Variants in GABRG3 observed in about 807,000 individuals in gnomAD.
GABRG3 encodes the protein gamma-aminobutyric acid type A receptor subunit gamma3.
A neutral mutation model predicts 48.8 loss-of-function variants in GABRG3; 25 were observed. The ratio of observed to expected loss-of-function variants is 0.51; its 90% CI spans 0.37 to 0.72. GABRG3 has a LOEUF of 0.72. Among genes scored for constraint, GABRG3 ranks in the 30% least tolerant of loss-of-function variants. GABRG3 has a pLI of 0.00. For missense variants in GABRG3, 394 were observed against 577.9 expected (o/e 0.68, Z 3.26); for synonymous variants, 227 against 217.6 (o/e 1.04, Z -0.38).
At chr15:27,361,469 C>T (rs1222109724) in intron 5 of GABRG3, among the ~76,000 whole-genome samples, 2 of 152,152 alleles carry the variant, frequency 1.3e-5, no homozygotes, top group Non-Finnish European at 2.9e-5. Context: ...TTCCAGAGGA[C>T]AGCATGAAAG....
At chr15:27,186,999 C>T (rs536520111) in intron 3 of GABRG3, among the ~76,000 whole-genome samples, 2 of 152,220 alleles carry the variant, frequency 1.3e-5, no homozygotes, top group East Asian at 3.9e-4. Flanking sequence ...TTTGCCACAA[C>T]TGATATTGAG....
intron 3 of GABRG3, among the ~76,000 whole-genome samples, chr15:27,088,250 C>T (rs1017248696): frequency 1.1e-4 from 5 of 47,296 alleles, no homozygotes; most frequent in Non-Finnish European, 2.1e-4. Context: ...GTGCTCGGGG[C>T]GGGCGCGGGG....
intron 3 of GABRG3, among the ~76,000 whole-genome samples, chr15:27,121,101 T>C (rs906311811): frequency 4.0e-4 from 61 of 152,332 alleles, no homozygotes; most frequent in African/African-American, 1.3e-3. Context: ...AAAATTCTTT[T>C]AGACAATGAG....
At position 27,236,609 on chromosome 15, in the gene GABRG3, G is replaced by A. The variant is rs532373005; in HGVS notation, c.271-90200G>A. Among the ~76,000 whole-genome samples the A allele has an allele frequency of 4.6e-5, 7 of 152,232 alleles. No individual in the cohort carries two copies. The highest frequency in any genetic ancestry group is 3.9e-4 in the East Asian group (2 of 5,164). On this transcript the variant is annotated intron_variant, in intron 3 of 9. Coordinates refer to ENST00000615808, the MANE Select transcript of GABRG3 (RefSeq NM_033223.5). The surrounding 1 kb of genome is among the most constrained non-coding windows in gnomAD (Gnocchi z 4.4). Reference sequence around the variant, plus strand: ...CCGCCTCCCTCTTTACAGCCTCAGCGTGACAGCCCACCAGTTTCACAATAC... The same window carrying A: ...CCGCCTCCCTCTTTACAGCCTCAGCATGACAGCCCACCAGTTTCACAATAC...
chr15:27,325,520 C>T (rs768939864), intron 3 of GABRG3, among the ~76,000 whole-genome samples: 20 of 152,354 alleles, frequency 1.3e-4, no homozygotes, highest in Non-Finnish European at 4.4e-5. Flanking sequence ...AATTCCTCCT[C>T]TGCTGGATGC....
chr15:27,507,076 C>T (rs957555961), intron 6 of GABRG3, among the ~76,000 whole-genome samples: 1 of 151,996 alleles, frequency 6.6e-6, no homozygotes, highest in African/African-American at 2.4e-5. Context: ...TCTTCCTGAC[C>T]CATAAAATCC....
intron 2 of GABRG3, among the ~76,000 whole-genome samples, chr15:27,011,780 G>A (rs1379236829): frequency 1.3e-5 from 2 of 151,470 alleles, no homozygotes; most frequent in Non-Finnish European, 2.9e-5. Context: ...CCTGGGAGGC[G>A]GAGCTTACAG....
chr15:27,296,903 A>T (rs1157052421), intron 3 of GABRG3, among the ~76,000 whole-genome samples: 1 of 150,914 alleles, frequency 6.6e-6, no homozygotes, highest in African/African-American at 2.4e-5. Flanking sequence ...CCAGGTATCC[A>T]GAAGAAGGCG....
At chr15:27,108,622 A>T (rs1203242878) in intron 3 of GABRG3, among the ~76,000 whole-genome samples, 1 of 152,294 alleles carries the variant, frequency 6.6e-6, no homozygotes, top group East Asian at 1.9e-4. Flanking sequence ...CAGGTCATTT[A>T]TATCCTTACT....
chr15:27,109,794 A>G (rs1897513504), intron 3 of GABRG3, among the ~76,000 whole-genome samples: 1 of 152,190 alleles, frequency 6.6e-6, no homozygotes, highest in Non-Finnish European at 1.5e-5. Flanking sequence ...AGGCAGGAAA[A>G]TCACTTGAAC....
rs184479339 is a variant in GABRG3, at chr15:27,319,929, G to A, written c.271-6880G>A. Among the ~76,000 whole-genome samples the A allele has an allele frequency of 6.3e-4, 96 of 152,272 alleles. No homozygotes were observed. In the East Asian group the frequency reaches 7.3e-3, roughly 12 times the overall value. On this transcript the variant is annotated intron_variant, in intron 3 of 9. Coordinates refer to ENST00000615808, the MANE Select transcript of GABRG3 (RefSeq NM_033223.5). The surrounding 1 kb of genome is among the most constrained non-coding windows in gnomAD (Gnocchi z 4.4). ...GAAAGCAGTCAGTGGGTTGGGGAGG[G>A]CAGAGGGAGGATTTCTACACAAGAA...
intron 5 of GABRG3, among the ~76,000 whole-genome samples, chr15:27,367,799 C>A (rs1247997561): frequency 6.6e-6 from 1 of 152,138 alleles, no homozygotes; most frequent in Non-Finnish European, 1.5e-5. Context: ...TGCTGATTAA[C>A]CTTGATAGCT....
Position 27,236,797 on chromosome 15 carries a change from C to G in GABRG3, c.271-90012C>G, listed in dbSNP as rs916502997. Among the ~76,000 whole-genome samples, 2 of 152,152 alleles carry G rather than the reference C, an allele frequency of 1.3e-5. No individual in the cohort carries two copies. The highest frequency in any genetic ancestry group is 4.8e-5 in the African/African-American group (2 of 41,432). On this transcript the variant is annotated intron_variant, in intron 3 of 9. Coordinates refer to ENST00000615808, the MANE Select transcript of GABRG3 (RefSeq NM_033223.5). This position sits in a 1 kb window ranked among gnomAD's most constrained non-coding sequence, Gnocchi z 4.4. ...CACTGCCATTTTTTTAACATGGGTC[C>G]CATGAAGAGGCATGAAGCGCAATTG...
intron 2 of GABRG3, among the ~76,000 whole-genome samples, chr15:27,023,254 C>T (rs531892997): frequency 2.3e-4 from 35 of 152,256 alleles, no homozygotes; most frequent in African/African-American, 8.2e-4. Context: ...GGCTTTCCTA[C>T]CTTCATATCC....
intron 3 of GABRG3, among the ~76,000 whole-genome samples, chr15:27,266,913 A>G (rs562054857): frequency 2.5e-4 from 38 of 152,180 alleles, no homozygotes; most frequent in African/African-American, 8.7e-4. Context: ...TATAGTTTGC[A>G]TAAGTAATTA....
chr15:27,193,184 G>A (rs1212946007), intron 3 of GABRG3, among the ~76,000 whole-genome samples: 1 of 152,238 alleles, frequency 6.6e-6, no homozygotes. Flanking sequence ...ACCCACATGA[G>A]GAGGCAGTCT....
At chr15:27,085,542 T>A (rs1031217304) in intron 3 of GABRG3, among the ~76,000 whole-genome samples, 1 of 152,200 alleles carries the variant, frequency 6.6e-6, no homozygotes, top group Non-Finnish European at 1.5e-5. Flanking sequence ...TTTTAAAAAA[T>A]TTGAAATATA....
At chr15:27,127,509 G>A (rs892247359) in intron 3 of GABRG3, among the ~76,000 whole-genome samples, 13 of 151,920 alleles carry the variant, frequency 8.6e-5, no homozygotes, top group African/African-American at 3.1e-4. Context: ...AAATCTCTGG[G>A]GTCTCCTTGG....
chr15:27,352,782 G>A lies in GABRG3; in HGVS notation c.574+23894G>A, dbSNP rs1228829163. Among the ~76,000 whole-genome samples the A allele has an allele frequency of 6.6e-6, 1 of 152,062 alleles. No homozygotes were observed. Among genetic ancestry groups the A allele is most frequent in the Admixed American group, 6.5e-5 (1 of 15,278 alleles). The stretch of plus-strand genomic sequence containing the variant: ...TCACGCAGATGCATGGGGTGATATA[G>A]CGCAAGGTGGAGGGTGCAATATGGG... On this transcript the variant is annotated intron_variant, in intron 5 of 9. Coordinates refer to ENST00000615808, the MANE Select transcript of GABRG3 (RefSeq NM_033223.5). This position sits in a 1 kb window ranked among gnomAD's most constrained non-coding sequence, Gnocchi z 4.0.
Sources: gnomAD v4.1 joint callset for allele counts (sites outside exome capture counted in the v4.1 genomes callset) on GRCh38, gnomAD v4.1.1 for gene constraint, Gnocchi (gnomAD v3.1) non-coding constraint, MANE v1.5 for transcripts, NCBI Gene and HGNC (gene_info 2026-07-23, HGNC 2026-07-21) for gene names.